MVB12B: variants seen among roughly 807,000 people sequenced by gnomAD.
MVB12B encodes ESCRT-I complex subunit MVB12B.
Under a neutral mutation model 41.6 loss-of-function variants are expected in MVB12B, and 16 were observed. That is an observed-to-expected ratio of 0.38 (90% CI 0.26 to 0.58). MVB12B has a LOEUF of 0.58. Ranked by LOEUF, MVB12B falls within the 20% of genes least tolerant of loss-of-function variation. The pLI is 0.62. For missense variants in MVB12B, 274 were observed against 380.2 expected, an observed-to-expected ratio of 0.72 and a Z score of 2.32; for synonymous variants, 133 against 139.7, an observed-to-expected ratio of 0.95 and a Z score of 0.34.
intron 3 of MVB12B, among the ~76,000 whole-genome samples, chr9:126,385,645 C>T (rs989948014): frequency 7.2e-5 from 11 of 152,306 alleles, no homozygotes; most frequent in African/African-American, 2.6e-4. Context: ...AAAATGGGCA[C>T]GTGGAGTGCA....
intron 2 of MVB12B, among the ~76,000 whole-genome samples, chr9:126,373,939 G>T (rs1200672860): frequency 1.4e-4 from 21 of 152,128 alleles, no homozygotes; most frequent in Non-Finnish European, 3.1e-4. Flanking sequence ...CTTTATATTT[G>T]CCTAGATCCT....
At chr9:126,378,361 G>C (rs1830540713) in intron 2 of MVB12B, among the ~76,000 whole-genome samples, 1 of 152,202 alleles carries the variant, frequency 6.6e-6, no homozygotes, top group Non-Finnish European at 1.5e-5. Flanking sequence ...GCACCTTTAT[G>C]TGACTGGGTT....
intron 7 of MVB12B, among the ~76,000 whole-genome samples, chr9:126,426,742 G>A (rs1031474143): frequency 2.0e-5 from 3 of 152,160 alleles, no homozygotes; most frequent in Admixed American, 6.5e-5. Flanking sequence ...AAGTAGGTGC[G>A]GCTATGTGCA....
Position 126,410,138 on chromosome 9 carries a change from G to GTT in MVB12B, c.663-11713_663-11712dup, listed in dbSNP as rs1469727853. Among the ~76,000 whole-genome samples the GTT allele has an allele frequency of 1.1e-4, 10 of 91,644 alleles. No individual in the cohort carries two copies. In the East Asian group the frequency reaches 1.1e-3, roughly 10 times the overall value. 60.1% of individuals were successfully genotyped at this position (91,644 alleles called of 152,430 possible). A position where few individuals can be genotyped will look rare whatever the true frequency, so the allele number is the denominator to read the frequency against. On this transcript the variant is annotated intron_variant, in intron 6 of 9. Transcript: ENST00000361171. ...CCCTTGTCCAATGCACAGTGATTTG[G>GTT]TTTTGTGTGTGTGTGTGTGTGTGTG...
At chr9:126,380,651 G>A (rs1442303829) in intron 2 of MVB12B, among the ~76,000 whole-genome samples, 3 of 152,198 alleles carry the variant, frequency 2.0e-5, no homozygotes, top group Non-Finnish European at 4.4e-5. Flanking sequence ...GCAGGAGGCT[G>A]TGTCACCCTC....
intron 7 of MVB12B, among the ~76,000 whole-genome samples, chr9:126,461,772 C>T (rs372673777): frequency 2.6e-4 from 38 of 148,724 alleles, no homozygotes; most frequent in African/African-American, 6.4e-4. Flanking sequence ...GGTGGGCTCC[C>T]GGGGTGGGTG....
intron 9 of MVB12B, among the ~76,000 whole-genome samples, chr9:126,489,327 CTGCTCATCCCAGCCCAGCG>C (rs1833683570): frequency 6.6e-6 from 1 of 152,250 alleles, no homozygotes; most frequent in Non-Finnish European, 1.5e-5. Flanking sequence ...GAACACAGGC[CTGCTCATCCCAGCCCAGCG>C]TGCCACACAG....
intron 7 of MVB12B, among the ~76,000 whole-genome samples, chr9:126,453,013 C>T (rs1033987164): frequency 9.9e-5 from 15 of 151,954 alleles, no homozygotes; most frequent in African/African-American, 3.1e-4. Flanking sequence ...GCTCTGCCCC[C>T]GAGACAAGCC....
intron 8 of MVB12B, among the ~76,000 whole-genome samples, chr9:126,481,992 T>A (rs1833533021): frequency 6.6e-6 from 1 of 152,256 alleles, no homozygotes; most frequent in Non-Finnish European, 1.5e-5. Flanking sequence ...CAGTCCAGCA[T>A]GGACCCAACC....
intron 2 of MVB12B, among the ~76,000 whole-genome samples, chr9:126,352,126 T>A (rs926062486): frequency 3.3e-5 from 5 of 152,212 alleles, no homozygotes; most frequent in African/African-American, 1.2e-4. Flanking sequence ...TTTTTTTGGC[T>A]GTTACAGATG....
intron 7 of MVB12B, among the ~76,000 whole-genome samples, chr9:126,448,960 A>G (rs905343709): frequency 1.1e-4 from 17 of 152,190 alleles, no homozygotes; most frequent in African/African-American, 2.9e-4. Context: ...ATCTTCCCTG[A>G]TGATACTCCA....
intron 7 of MVB12B, among the ~76,000 whole-genome samples, chr9:126,465,470 C>G (rs1184111455): frequency 6.6e-6 from 1 of 152,094 alleles, no homozygotes; most frequent in Non-Finnish European, 1.5e-5. Flanking sequence ...CTAGCCCAAC[C>G]CTTTTACTCT....
intron 1 of MVB12B, chr9:126,335,159 A>AGCTAGTT: frequency 9.7e-7 from 1 of 1,026,316 alleles, no homozygotes; most frequent in Middle Eastern, 2.8e-4. Context: ...ACAACTTAGC[A>AGCTAGTT]GCCCTCCTAG....
Position 126,474,034 on chromosome 9 carries a change from C to T in MVB12B, c.758-7335C>T, listed in dbSNP as rs1588199558. The stretch of plus-strand genomic sequence containing the variant: ...GGCCTGGAGAGAGGGCCACTTTGTA[C>T]CTGGGTGCCGTCTTTGGCTCTGCCA... On this transcript the variant is annotated intron_variant, in intron 7 of 9. Coordinates refer to ENST00000361171, the MANE Select transcript of MVB12B (RefSeq NM_033446.3). 6.6e-5 allele frequency among the ~76,000 whole-genome samples: 10 copies of T among 152,266 alleles called. No homozygotes were observed. The South Asian group carries it at 1.9e-3, about 28-fold the overall frequency.
At chr9:126,432,995 A>G (rs565839668) in intron 7 of MVB12B, among the ~76,000 whole-genome samples, 1 of 152,160 alleles carries the variant, frequency 6.6e-6, no homozygotes, top group South Asian at 2.1e-4. Context: ...GCTGATGGCA[A>G]TGCTGGATCC....
Position 126,481,354 on chromosome 9 carries a change from T to TC in MVB12B, c.758-15_758-14insC, listed in dbSNP as rs1411195097. 6.2e-7 allele frequency: 1 copy of TC among 1,610,970 alleles called. No individual in the cohort carries two copies. Among genetic ancestry groups the TC allele is most frequent in the Middle Eastern group, 1.7e-4 (1 of 6,060 alleles). The stretch of plus-strand genomic sequence containing the variant: ...CAATACCTTTAATGCCATCTTTTTT[T>TC]TTCTTCTTTTGCAGCAATGGATGGT... On this transcript the variant is annotated splice_polypyrimidine_tract_variant and intron_variant, in intron 7 of 9. Transcript: ENST00000361171.
intron 1 of MVB12B, among the ~76,000 whole-genome samples, chr9:126,331,082 TCTTTGAGACC>T (rs1432132200): frequency 6.6e-6 from 1 of 152,228 alleles, no homozygotes; most frequent in Non-Finnish European, 1.5e-5. Context: ...TCTACAATTC[TCTTTGAGACC>T]CCGATTTAAA....
intron 7 of MVB12B, among the ~76,000 whole-genome samples, chr9:126,455,344 C>G (rs536309714): frequency 1.3e-5 from 2 of 151,564 alleles, no homozygotes; most frequent in African/African-American, 4.8e-5. Context: ...CGTGCCACCA[C>G]GCCCAGCTAA....
In MVB12B at chr9:126,421,997, C is replaced by T. The variant is rs184457819; in HGVS notation, c.757+49C>T. ...CCAGCTACAGAGTCTGTGTCCCGGG[C>T]GCCACCTCCTTCCACACGTTCTCTG... On this transcript the variant is annotated intron_variant, in intron 7 of 9. Coordinates refer to ENST00000361171, the MANE Select transcript of MVB12B (RefSeq NM_033446.3). The T allele has an allele frequency of 4.6e-4, 613 of 1,337,276 alleles. 3 individuals are homozygous for T. In the African/African-American group the frequency reaches 8.5e-3, roughly 18 times the overall value. 82.8% of individuals were successfully genotyped at this position (1,337,276 alleles called of 1,614,324 possible). A position where few individuals can be genotyped will look rare whatever the true frequency, so the allele number is the denominator to read the frequency against.
Sources: allele counts gnomAD v4.1 joint callset (sites outside exome capture counted in the v4.1 genomes callset), GRCh38; gene constraint gnomAD v4.1.1; transcripts MANE v1.5; gene names NCBI Gene and HGNC (gene_info 2026-07-23, HGNC 2026-07-21).